Variants in TMEM163 observed in about 807,000 individuals in gnomAD.
TMEM163 encodes the protein transmembrane protein 163.
Under a neutral mutation model 29.3 loss-of-function variants are expected in TMEM163, and 17 were observed. The observed-to-expected ratio is 0.58, with a 90% CI of 0.40 to 0.87. The LOEUF (loss-of-function observed/expected upper bound fraction) is 0.87. Ranked by LOEUF, TMEM163 falls within the 40% of genes least tolerant of loss-of-function variation. The probability of loss-of-function intolerance (pLI) is 0.00; values close to 1 mark genes in which losing one functional copy is unlikely to be tolerated. For missense variants in TMEM163, 303 were observed against 381.5 expected (o/e 0.79, Z 1.71); for synonymous variants, 157 against 160.6 (o/e 0.98, Z 0.17).
At chr2:134,576,586 G>C (rs566151267) in intron 2 of TMEM163, among the ~76,000 whole-genome samples, 1 of 152,146 alleles carries the variant, frequency 6.6e-6, no homozygotes, top group Non-Finnish European at 1.5e-5. Flanking sequence ...GGAGAGAAAG[G>C]TCTCCCACAC....
chr2:134,659,608 C>T, intron 2 of TMEM163, among the ~76,000 whole-genome samples: 1 of 152,222 alleles, frequency 6.6e-6, no homozygotes, highest in Non-Finnish European at 1.5e-5. Flanking sequence ...CTAGGCTCTG[C>T]AGATGCCATG....
chr2:134,500,357 G>A (rs74996025), intron 5 of TMEM163, among the ~76,000 whole-genome samples: 195 of 152,340 alleles, frequency 1.3e-3, no homozygotes, highest in African/African-American at 4.5e-3. Flanking sequence ...GACAGACACG[G>A]TCAGCTGCCA....
At chr2:134,467,383 C>T (rs946979102) in intron 5 of TMEM163, 2 of 152,346 alleles carry the variant, frequency 1.3e-5, no homozygotes, top group Middle Eastern at 3.4e-3. Flanking sequence ...ACCAAGCAGA[C>T]ACCACCTTAG....
At chr2:134,503,159 A>T (rs1679737828) in intron 4 of TMEM163, among the ~76,000 whole-genome samples, 162 bp from the exon 5 acceptor site, 1 of 152,182 alleles carries the variant, frequency 6.6e-6, no homozygotes, top group Non-Finnish European at 1.5e-5. Context: ...ACACTAAGTC[A>T]CCTCTAGGAG....
At chr2:134,613,705 A>T (rs1318007409) in intron 2 of TMEM163, among the ~76,000 whole-genome samples, 1 of 152,104 alleles carries the variant, frequency 6.6e-6, no homozygotes, top group Non-Finnish European at 1.5e-5. Flanking sequence ...ACAACAAGCA[A>T]ATGGAAGCTG....
intron 2 of TMEM163, among the ~76,000 whole-genome samples, chr2:134,663,650 C>T (rs1441051520): frequency 1.3e-5 from 2 of 152,228 alleles, no homozygotes; most frequent in Non-Finnish European, 2.9e-5. Flanking sequence ...ATGCTAGATG[C>T]TCTGCAAGCA....
intron 5 of TMEM163, among the ~76,000 whole-genome samples, chr2:134,501,980 T>G (rs1679705116): frequency 6.6e-6 from 1 of 152,190 alleles, no homozygotes; most frequent in Admixed American, 6.5e-5. Flanking sequence ...AGCAGCCACT[T>G]TCATGCCTCT....
chr2:134,666,991 T>C (rs1216244638), intron 2 of TMEM163, among the ~76,000 whole-genome samples: 2 of 152,170 alleles, frequency 1.3e-5, no homozygotes, highest in Non-Finnish European at 2.9e-5. Flanking sequence ...TGCTGTGGCT[T>C]CCAGAATCAG....
At chr2:134,712,005 A>G (rs1021320317) in intron 2 of TMEM163, among the ~76,000 whole-genome samples, 15 of 152,234 alleles carry the variant, frequency 9.9e-5, no homozygotes, top group Non-Finnish European at 2.1e-4. Context: ...TTCTTGTTAC[A>G]GCATTAAAAA....
intron 2 of TMEM163, among the ~76,000 whole-genome samples, chr2:134,612,073 A>G (rs1682516370): frequency 6.6e-6 from 1 of 152,204 alleles, no homozygotes; most frequent in Non-Finnish European, 1.5e-5. Flanking sequence ...TGCCACCACC[A>G]CAGGTGACAG....
chr2:134,549,777 C>T (rs932247748), intron 4 of TMEM163, among the ~76,000 whole-genome samples: 2 of 152,188 alleles, frequency 1.3e-5, no homozygotes, highest in African/African-American at 2.4e-5. Flanking sequence ...CGTATACATG[C>T]ACATATATAC....
At chr2:134,582,816 G>A (rs1197069541) in intron 2 of TMEM163, among the ~76,000 whole-genome samples, 1 of 152,128 alleles carries the variant, frequency 6.6e-6, no homozygotes, top group Non-Finnish European at 1.5e-5. Context: ...GGGGGCTGGG[G>A]GTCGCCTCCA....
In TMEM163 at chr2:134,599,357, G is replaced by C. The variant is rs1334906332; in HGVS notation, c.323-47266C>G. On this transcript the variant is annotated intron_variant, in intron 2 of 7. Coordinates refer to ENST00000281924, the MANE Select transcript of TMEM163 (RefSeq NM_030923.5). ...ATATGTGGAAATCCTGACCCCCAAGGCTATAGTGTTAGAAGGTGAGGACTT... is the reference window on the plus strand; with the variant it reads ...ATATGTGGAAATCCTGACCCCCAAGCCTATAGTGTTAGAAGGTGAGGACTT... Among the ~76,000 whole-genome samples, 4 of 152,146 alleles carry C rather than the reference G, an allele frequency of 2.6e-5. No homozygotes were observed. In the East Asian group the frequency reaches 7.7e-4, roughly 29 times the overall value.
At chr2:134,683,524 C>T (rs1241551477) in intron 2 of TMEM163, among the ~76,000 whole-genome samples, 1 of 151,764 alleles carries the variant, frequency 6.6e-6, no homozygotes, top group African/African-American at 2.4e-5. Flanking sequence ...GAGCAAACAA[C>T]AGGGGTGGCA....
chr2:134,519,279 C>T lies in TMEM163; in HGVS notation c.459-16282G>A, dbSNP rs111887392. Among the ~76,000 whole-genome samples the T allele has an allele frequency of 1.8e-4, 28 of 152,346 alleles. 1 individual carries two copies. The highest frequency in any genetic ancestry group is 6.0e-4 in the African/African-American group (25 of 41,566). On this transcript the variant is annotated intron_variant, in intron 4 of 7. Transcript: ENST00000281924. ...CATATTTTGCCATGAACTCTGTTGA[C>T]GTTCCCCTCTCTTGGGGCAGTCTTT... is the stretch of plus-strand genomic sequence containing the variant.
intron 2 of TMEM163, among the ~76,000 whole-genome samples, chr2:134,618,238 T>C (rs1454934549): frequency 1.3e-5 from 2 of 152,148 alleles, no homozygotes; most frequent in African/African-American, 4.8e-5. Context: ...ATGCAAGCAG[T>C]AACCATAAGA....
At chr2:134,604,788 A>G (rs1682315124) in intron 2 of TMEM163, among the ~76,000 whole-genome samples, 1 of 152,270 alleles carries the variant, frequency 6.6e-6, no homozygotes, top group African/African-American at 2.4e-5. Context: ...ATTGGTCAAT[A>G]TACATGGTAA....
At chr2:134,502,030 C>A (rs1005037462) in intron 5 of TMEM163, among the ~76,000 whole-genome samples, 1 of 152,092 alleles carries the variant, frequency 6.6e-6, no homozygotes, top group African/African-American at 2.4e-5. Context: ...TTTCATCTTC[C>A]CTATAAAAAC....
intron 2 of TMEM163, among the ~76,000 whole-genome samples, chr2:134,656,567 C>T (rs551944093): frequency 6.6e-6 from 1 of 152,322 alleles, no homozygotes; most frequent in East Asian, 1.9e-4. Flanking sequence ...CATCTTGGCT[C>T]CTCCCCCCGC....
Sources: gnomAD v4.1 joint callset for allele counts (sites outside exome capture counted in the v4.1 genomes callset) on GRCh38, gnomAD v4.1.1 for gene constraint, MANE v1.5 for transcripts, NCBI Gene and HGNC (gene_info 2026-07-23, HGNC 2026-07-21) for gene names.